The following EHBP1 variants were observed in gnomAD, a reference collection of about 807,000 sequenced individuals.
EHBP1 encodes EH domain-binding protein 1.
Under a neutral mutation model 144.0 loss-of-function variants are expected in EHBP1, and 55 were observed. The observed-to-expected ratio is 0.38, with a 90% CI of 0.31 to 0.48. EHBP1 has a LOEUF of 0.48. Among genes scored for constraint, EHBP1 ranks in the 20% least tolerant of loss-of-function variants. The pLI, the probability that EHBP1 is intolerant of heterozygous loss-of-function variation, is 0.98. For missense variants in EHBP1, 1,200 were observed against 1,364.2 expected, an observed-to-expected ratio of 0.88 and a Z score of 1.90; for synonymous variants, 469 against 472.7, an observed-to-expected ratio of 0.99 and a Z score of 0.10.
chr2:62,677,904 T>C (rs2033364583), intron 1 of EHBP1, among the ~76,000 whole-genome samples: 1 of 152,244 alleles, frequency 6.6e-6, no homozygotes, highest in African/African-American at 2.4e-5. Context: ...TTAGGTTGCT[T>C]CCAAATCTTG....
intron 2 of EHBP1, among the ~76,000 whole-genome samples, chr2:62,730,688 G>A (rs1461760091): frequency 1.3e-5 from 2 of 150,796 alleles, no homozygotes; most frequent in Non-Finnish European, 3.0e-5. Flanking sequence ...GAGAAGGACA[G>A]AGAGAGACAG....
At chr2:63,032,276 A>G (rs1282842162) in intron 19 of EHBP1, among the ~76,000 whole-genome samples, 2 of 150,782 alleles carry the variant, frequency 1.3e-5, no homozygotes, top group African/African-American at 4.9e-5. Flanking sequence ...AAAAAAAAAA[A>G]GGTCAGTTCA....
At chr2:62,673,976 G>A in exon 1 of EHBP1, 4 of 469,258 alleles carry the variant, frequency 8.5e-6, no homozygotes, top group South Asian at 1.6e-5. Flanking sequence ...TAGGACACAA[G>A]GTTAGCATGC....
chr2:62,785,081 T>C (rs966706104), intron 5 of EHBP1, among the ~76,000 whole-genome samples: 3 of 152,020 alleles, frequency 2.0e-5, no homozygotes, highest in Non-Finnish European at 2.9e-5. Context: ...TGATCTAGTA[T>C]ACACATATAT....
intron 19 of EHBP1, among the ~76,000 whole-genome samples, chr2:63,035,829 C>T (rs1400442389): frequency 2.0e-5 from 3 of 151,982 alleles, no homozygotes; most frequent in Non-Finnish European, 4.4e-5. Flanking sequence ...TCTTTTGTTG[C>T]TACCCAGGGA....
chr2:62,992,113 G>A (rs1243704342), intron 16 of EHBP1, among the ~76,000 whole-genome samples: 1 of 152,090 alleles, frequency 6.6e-6, no homozygotes, highest in East Asian at 1.9e-4. Context: ...GTCATAAAAA[G>A]GTTTCTTAAG....
At chr2:62,892,852 A>G (rs564836738) in intron 10 of EHBP1, among the ~76,000 whole-genome samples, 65 of 152,262 alleles carry the variant, frequency 4.3e-4, no homozygotes, top group African/African-American at 5.5e-4. Context: ...ATCATTACCA[A>G]TTCCATATTA....
intron 19 of EHBP1, among the ~76,000 whole-genome samples, chr2:63,022,363 G>T (rs1005880529): frequency 7.9e-5 from 12 of 151,608 alleles, no homozygotes; most frequent in African/African-American, 1.5e-4. Flanking sequence ...CGCACAGGCT[G>T]GAGTGCAATG....
chr2:62,853,038 A>G (rs1039908859), intron 7 of EHBP1, among the ~76,000 whole-genome samples: 2 of 152,158 alleles, frequency 1.3e-5, no homozygotes, highest in African/African-American at 4.8e-5. Flanking sequence ...TGGTTATGCA[A>G]AATATATTTA....
chr2:62,854,546 T>A lies in EHBP1; in HGVS notation c.635-4623T>A, dbSNP rs115223224. On this transcript the variant is annotated intron_variant, in intron 7 of 22. Coordinates refer to ENST00000431489, the MANE Select transcript of EHBP1 (RefSeq NM_001142616.3). ...AACTGGCCTAGTTTCAATATTGTTG[T>A]GTCTGAGAAAATAAGGAGGTCTGGG... 3.2e-3 allele frequency among the ~76,000 whole-genome samples: 481 copies of A among 152,228 alleles called. 4 individuals carry two copies. Among genetic ancestry groups the A allele is most frequent in the African/African-American group, 0.011 (447 of 41,546 alleles).
chr2:62,773,547 T>C (rs1233655937), intron 5 of EHBP1, among the ~76,000 whole-genome samples: 1 of 152,084 alleles, frequency 6.6e-6, no homozygotes, highest in Non-Finnish European at 1.5e-5. Flanking sequence ...CTGTGAACTG[T>C]TATAAATCCT....
At chr2:62,810,469 C>T (rs964162892) in intron 5 of EHBP1, among the ~76,000 whole-genome samples, 3 of 152,118 alleles carry the variant, frequency 2.0e-5, no homozygotes, top group African/African-American at 7.2e-5. Context: ...TTTGATGAGT[C>T]TTGAGATTGA....
At chr2:62,907,973 A>G (rs888898724) in intron 10 of EHBP1, among the ~76,000 whole-genome samples, 1 of 152,196 alleles carries the variant, frequency 6.6e-6, no homozygotes, top group Non-Finnish European at 1.5e-5. Context: ...TTCAGTTGTC[A>G]CACGAGAAGA....
intron 2 of EHBP1, among the ~76,000 whole-genome samples, chr2:62,727,087 T>C (rs1407072581): frequency 6.6e-6 from 1 of 152,192 alleles, no homozygotes; most frequent in Non-Finnish European, 1.5e-5. Context: ...GGTCTCAAAC[T>C]CCTGACCTTG....
At chr2:62,697,718 A>G (rs1356026845) in intron 1 of EHBP1, among the ~76,000 whole-genome samples, 2 of 152,214 alleles carry the variant, frequency 1.3e-5, no homozygotes, top group Non-Finnish European at 2.9e-5. Context: ...CAGATTTTTC[A>G]CTAAAAATAT....
intron 2 of EHBP1, among the ~76,000 whole-genome samples, chr2:62,744,832 A>G (rs143757929): frequency 6.6e-6 from 1 of 152,064 alleles, no homozygotes; most frequent in Non-Finnish European, 1.5e-5. Context: ...TGTAGGGGAC[A>G]CACTCTCATT....
chr2:62,943,376 CAAAAAAAA>C (rs11306610), intron 11 of EHBP1, among the ~76,000 whole-genome samples: 11 of 87,858 alleles, frequency 1.3e-4, no homozygotes, highest in African/African-American at 3.8e-4. Context: ...AACTCCGTCT[CAAAAAAAA>C]AAAAAAAAAA....
At chr2:62,733,529 G>T (rs1034089825) in intron 2 of EHBP1, among the ~76,000 whole-genome samples, 1 of 152,154 alleles carries the variant, frequency 6.6e-6, no homozygotes, top group Non-Finnish European at 1.5e-5. Flanking sequence ...ACCCTCCCCA[G>T]TGCTCCTCAA....
intron 2 of EHBP1, among the ~76,000 whole-genome samples, chr2:62,746,440 T>A (rs539936475): frequency 1.3e-5 from 2 of 152,164 alleles, no homozygotes; most frequent in South Asian, 2.1e-4. Context: ...GGTTATCTGC[T>A]GAAAGCACGG....
Sources: allele counts gnomAD v4.1 joint callset (sites outside exome capture counted in the v4.1 genomes callset), GRCh38; gene constraint gnomAD v4.1.1; transcripts MANE v1.5; gene names NCBI Gene and HGNC (gene_info 2026-07-23, HGNC 2026-07-21).